EFCAB6: variants seen among roughly 807,000 people sequenced by gnomAD.
EFCAB6 encodes EF-hand calcium binding domain 6.
A neutral mutation model predicts 169.8 loss-of-function variants in EFCAB6; 156 were observed. That is an observed-to-expected ratio of 0.92 (90% confidence interval 0.81 to 1.05). The LOEUF (loss-of-function observed/expected upper bound fraction) is 1.05. Ranked by LOEUF, EFCAB6 falls within the 50% of genes least tolerant of loss-of-function variation. The pLI is 0.00. For missense variants in EFCAB6, 1,800 were observed against 1,829.1 expected, an observed-to-expected ratio of 0.98 and a Z score of 0.29; for synonymous variants, 698 against 676.4, an observed-to-expected ratio of 1.03 and a Z score of -0.50.
chr22:43,632,285 T>C, intron 18 of EFCAB6, 47 bp from the exon 19 acceptor site: 4 of 1,513,300 alleles, frequency 2.6e-6, no homozygotes, highest in Non-Finnish European at 3.5e-6. Context: ...CCCATCAGCT[T>C]CATTCCTTCT....
chr22:43,738,298 A>C (rs943509412), intron 6 of EFCAB6, among the ~76,000 whole-genome samples: 4 of 151,604 alleles, frequency 2.6e-5, no homozygotes. Flanking sequence ...GCATATACTC[A>C]CACTCACACC....
chr22:43,728,659 C>T (rs2059824598), intron 8 of EFCAB6, among the ~76,000 whole-genome samples: 1 of 152,148 alleles, frequency 6.6e-6, no homozygotes, highest in East Asian at 1.9e-4. Flanking sequence ...TCTCTAATGA[C>T]CAGAGATGTT....
At chr22:43,543,685 T>C (rs1187229165) in intron 27 of EFCAB6, among the ~76,000 whole-genome samples, 1 of 152,054 alleles carries the variant, frequency 6.6e-6, no homozygotes, top group Non-Finnish European at 1.5e-5. Context: ...AGGGCTGCCC[T>C]GGAGGGGCTG....
chr22:43,536,859 A>C (rs1246963675), intron 29 of EFCAB6: 1 of 152,926 alleles, frequency 6.5e-6, no homozygotes, highest in Non-Finnish European at 1.5e-5. Context: ...ACAAACAAAA[A>C]ACCAAAAAAC....
rs749021878 is a variant in EFCAB6, at chr22:43,775,810, C to G, written c.140-2707G>C. Among the ~76,000 whole-genome samples, 5 of 152,292 alleles carry G rather than the reference C, an allele frequency of 3.3e-5. No individual in the cohort carries two copies. The East Asian group carries it at 7.7e-4, about 24-fold the overall frequency. ...GGCTGTGAGGAGGCCAAGGAGCCACCCTGGCAGGCCACATATAGGAGTTCT... is the reference window on the plus strand; with the variant it reads ...GGCTGTGAGGAGGCCAAGGAGCCACGCTGGCAGGCCACATATAGGAGTTCT... On this transcript the variant is annotated intron_variant, in intron 3 of 31. Coordinates refer to ENST00000262726, the MANE Select transcript of EFCAB6 (RefSeq NM_022785.4).
At chr22:43,593,357 G>C (rs535468569) in intron 23 of EFCAB6, among the ~76,000 whole-genome samples, 78 of 152,302 alleles carry the variant, frequency 5.1e-4, no homozygotes, top group Middle Eastern at 3.4e-3. Context: ...GTGTGGAACA[G>C]AGGCACAGGC....
At chr22:43,617,178 C>G (rs1364690946) in intron 20 of EFCAB6, among the ~76,000 whole-genome samples, 1 of 152,230 alleles carries the variant, frequency 6.6e-6, no homozygotes, top group Non-Finnish European at 1.5e-5. Context: ...ACCATGCAAG[C>G]TTTGGAAAAT....
intron 2 of EFCAB6, among the ~76,000 whole-genome samples, chr22:43,806,455 A>G (rs899511406): frequency 2.0e-5 from 3 of 152,036 alleles, no homozygotes; most frequent in African/African-American, 7.2e-5. Flanking sequence ...CATGTTACCC[A>G]GGCTGGTCTC....
At chr22:43,718,815 T>C (rs1036377957) in intron 8 of EFCAB6, among the ~76,000 whole-genome samples, 3 of 151,948 alleles carry the variant, frequency 2.0e-5, no homozygotes, top group African/African-American at 7.3e-5. Context: ...ATCAACAAAT[T>C]TGGTCTTGGT....
At chr22:43,630,874 A>T (rs1190785723) in intron 19 of EFCAB6, among the ~76,000 whole-genome samples, 1 of 152,170 alleles carries the variant, frequency 6.6e-6, no homozygotes, top group Non-Finnish European at 1.5e-5. Context: ...ATCCGTCTCC[A>T]TGTATGCATA....
intron 22 of EFCAB6, among the ~76,000 whole-genome samples, chr22:43,600,764 A>G (rs1313609861): frequency 6.6e-6 from 1 of 152,112 alleles, no homozygotes; most frequent in African/African-American, 2.4e-5. Flanking sequence ...CCAAGGCTCA[A>G]GTGATTCTCC....
chr22:43,569,296 C>T (rs747135405), intron 26 of EFCAB6, among the ~76,000 whole-genome samples: 1 of 152,264 alleles, frequency 6.6e-6, no homozygotes, highest in Non-Finnish European at 1.5e-5. Context: ...TCTCAGCAGC[C>T]TGTGCAACCT....
intron 21 of EFCAB6, among the ~76,000 whole-genome samples, chr22:43,609,378 C>A (rs2053148288): frequency 2.0e-5 from 3 of 152,106 alleles, no homozygotes. Context: ...GGAAGAAATA[C>A]AATTATTATT....
chr22:43,545,106 C>G (rs1362344515), intron 27 of EFCAB6, among the ~76,000 whole-genome samples: 1 of 152,160 alleles, frequency 6.6e-6, no homozygotes, highest in Non-Finnish European at 1.5e-5. Context: ...GAGATCGCAC[C>G]ACTGTGCTCT....
chr22:43,656,756 A>G (rs74751036), intron 17 of EFCAB6, among the ~76,000 whole-genome samples: 6,221 of 152,026 alleles, frequency 0.041, 158 homozygotes, highest in Non-Finnish European at 0.05. Context: ...TTAGCTGTGT[A>G]GGAGGCTATA....
chr22:43,643,523 G>A (rs1037342938), intron 17 of EFCAB6, among the ~76,000 whole-genome samples: 1 of 152,220 alleles, frequency 6.6e-6, no homozygotes, highest in Non-Finnish European at 1.5e-5. Context: ...GGAAGCCTGG[G>A]AGCCAATGAC....
intron 27 of EFCAB6, among the ~76,000 whole-genome samples, chr22:43,544,662 TC>T (rs2147102717): frequency 6.6e-6 from 1 of 152,096 alleles, no homozygotes; most frequent in South Asian, 2.1e-4. Flanking sequence ...CGTGGGGACA[TC>T]CTTTCTGGTT....
At chr22:43,762,401 C>T (rs1396552221) in intron 5 of EFCAB6, among the ~76,000 whole-genome samples, 1 of 152,180 alleles carries the variant, frequency 6.6e-6, no homozygotes, top group Non-Finnish European at 1.5e-5. Context: ...GGCCAATACC[C>T]TCAGGGAGAA....
chr22:43,696,142 T>A (rs1490628587), intron 10 of EFCAB6, among the ~76,000 whole-genome samples: 2 of 151,990 alleles, frequency 1.3e-5, no homozygotes, highest in Non-Finnish European at 2.9e-5. Flanking sequence ...AATGGAAAAA[T>A]GATTTGTACC....
Sources: allele counts gnomAD v4.1 joint callset (sites outside exome capture counted in the v4.1 genomes callset), GRCh38; gene constraint gnomAD v4.1.1; transcripts MANE v1.5; gene names NCBI Gene and HGNC (gene_info 2026-07-23, HGNC 2026-07-21).